Variants in CERK observed in about 807,000 individuals in gnomAD.
CERK encodes the protein ceramide kinase.
A neutral mutation model predicts 63.4 loss-of-function variants in CERK; 39 were observed. The observed-to-expected ratio is 0.61, with a 90% CI of 0.48 to 0.80. CERK has a LOEUF of 0.80. Ranked by LOEUF, CERK falls within the 30% of genes least tolerant of loss-of-function variation. The pLI is 0.00. For synonymous variants in CERK, 302 were observed against 280.0 expected, an observed-to-expected ratio of 1.08 and a Z score of -0.78; for missense variants, 670 against 714.1, an observed-to-expected ratio of 0.94 and a Z score of 0.70.
chr22:46,715,581 G>A (rs962791258), intron 3 of CERK, among the ~76,000 whole-genome samples: 3 of 152,218 alleles, frequency 2.0e-5, no homozygotes, highest in Non-Finnish European at 4.4e-5. Flanking sequence ...AGCTACTTGG[G>A]AGGCTGAGGC....
chr22:46,709,999 A>C (rs1012420908), intron 5 of CERK, among the ~76,000 whole-genome samples: 1 of 152,254 alleles, frequency 6.6e-6, no homozygotes, highest in Non-Finnish European at 1.5e-5. Context: ...CATAAAAATC[A>C]ATTCCAAGAA....
rs1002919455 is a variant in CERK at position 46,690,967 on chromosome 22, GTATA to G, written c.1332+601_1332+604del. 1.4e-4 allele frequency among the ~76,000 whole-genome samples: 22 copies of G among 151,922 alleles called. No individual in the cohort carries two copies. In the Middle Eastern group the frequency reaches 0.014, roughly 94 times the overall value. On this transcript the variant is annotated intron_variant, in intron 11 of 12. Coordinates refer to ENST00000216264, the MANE Select transcript of CERK (RefSeq NM_022766.6). Reference sequence around the variant, plus strand: ...TGTATATGTATGTATGTATGTGTGTGTATATGTATGTATGTGTGTATATGTATGT... The same window carrying G: ...TGTATATGTATGTATGTATGTGTGTGTGTATGTATGTGTGTATATGTATGT...
intron 7 of CERK, among the ~76,000 whole-genome samples, 189 bp downstream of exon 7, chr22:46,701,447 A>G (rs948069436): frequency 2.6e-4 from 40 of 152,222 alleles, no homozygotes; most frequent in African/African-American, 8.0e-4. Context: ...GCCCGTCCTG[A>G]CAACGTGGCC....
At chr22:46,687,543 T>C (rs948925068) in intron 12 of CERK, among the ~76,000 whole-genome samples, 2 of 152,172 alleles carry the variant, frequency 1.3e-5, no homozygotes, top group African/African-American at 4.8e-5. Context: ...AGCACCCCCA[T>C]GGAAAGCAGA....
intron 5 of CERK, 94 bp downstream of exon 5, chr22:46,710,992 G>T: frequency 1.0e-6 from 1 of 956,360 alleles, no homozygotes; most frequent in African/African-American, 1.6e-5. Context: ...GAGGCGGGGG[G>T]CGGATTTAGG....
chr22:46,702,959 C>A (rs567795659), intron 6 of CERK, among the ~76,000 whole-genome samples: 1 of 152,160 alleles, frequency 6.6e-6, no homozygotes, highest in South Asian at 2.1e-4. Flanking sequence ...ACCCGAGTAA[C>A]GACCAACCAC....
In CERK at chr22:46,714,876, G is replaced by A. The variant is rs1338208866; in HGVS notation, c.380-2583C>T. Among the ~76,000 whole-genome samples, 2 of 151,650 alleles carry A rather than the reference G, an allele frequency of 1.3e-5. No homozygotes were observed. The highest frequency in any genetic ancestry group is 2.9e-5 in the Non-Finnish European group (2 of 67,960). ...GTGCAAAAATCCTAAACACAATATC[G>A]GTAAGTCAAATCCAGTGACACATAA... On this transcript the variant is annotated intron_variant, in intron 3 of 12. Transcript: ENST00000216264. The surrounding 1 kb of genome is among the most constrained non-coding windows in gnomAD (Gnocchi z 4.4).
At position 46,696,766 on chromosome 22, in the gene CERK, C is replaced by T. The variant is rs183798992; in HGVS notation, c.944-1451G>A. Among the ~76,000 whole-genome samples the T allele has an allele frequency of 2.7e-3, 412 of 152,332 alleles. 2 individuals are homozygous for T. Among genetic ancestry groups the T allele is most frequent in the African/African-American group, 9.4e-3 (392 of 41,584 alleles). On this transcript the variant is annotated intron_variant, in intron 8 of 12. Transcript: ENST00000216264. Reference sequence around the variant, plus strand: ...GGATCCAGAGACCCGGAAGGCGTCTCCTGCCTCGGGGCTCTCATCCTGGTG... The same window carrying T: ...GGATCCAGAGACCCGGAAGGCGTCTTCTGCCTCGGGGCTCTCATCCTGGTG...
Position 46,689,190 on chromosome 22 carries a change from GTCCCTCTGGGGC to G in CERK, c.1541+790_1541+801del, listed in dbSNP as rs1201763832. 3.2e-4 allele frequency among the ~76,000 whole-genome samples: 48 copies of G among 152,304 alleles called. 2 individuals carry two copies. The South Asian group carries it at 7.9e-3, about 25-fold the overall frequency. On this transcript the variant is annotated intron_variant, in intron 12 of 12. Coordinates refer to ENST00000216264, the MANE Select transcript of CERK (RefSeq NM_022766.6). ...GGCTGCGTGGCCTCCAGCACGGGGC[GTCCCTCTGGGGC>G]TCCTCCTCTCCTTCCCATCCTCGGG...
rs546168675 is a variant in CERK at position 46,732,851 on chromosome 22, A to T, written c.142+5156T>A. Among the ~76,000 whole-genome samples, 281 of 152,140 alleles carry T rather than the reference A, an allele frequency of 1.8e-3. 2 individuals carry two copies. Among genetic ancestry groups the T allele is most frequent in the African/African-American group, 6.5e-3 (270 of 41,502 alleles). ...GAATCGCCTACTTATATCCATTGCC[A>T]TTTGTCTAATGGATTGTCTGCCTTT... On this transcript the variant is annotated intron_variant, in intron 1 of 12. Transcript: ENST00000216264.
At chr22:46,691,835 G>A in intron 10 of CERK, 58 bp from the exon 11 acceptor site, 1 of 1,468,074 alleles carries the variant, frequency 6.8e-7, no homozygotes, top group East Asian at 2.3e-5. Flanking sequence ...GCAGCGCCCT[G>A]CACCAGGACG....
In CERK at chr22:46,699,359, G is replaced by A; in HGVS notation, c.897C>T (p.Asp299=). 1 of 1,614,198 alleles carries A rather than the reference G, an allele frequency of 6.2e-7. No homozygotes were observed. The highest frequency in any genetic ancestry group is 8.5e-7 in the Non-Finnish European group (1 of 1,180,022). ...GACCCAACCACCGTTTCTTCTCACT[G>A]TCCTTGATGATGTCCCCGTAGAAGC... The part of the protein sequence containing the change: ...GYGFYGDIIK[D]SEKKRWLGLA... The change falls in exon 8 of 13, where the codon GAC becomes GAT. Residue 299 remains aspartate (D), a synonymous_variant. Transcript: ENST00000216264.
intron 8 of CERK, among the ~76,000 whole-genome samples, chr22:46,697,154 T>C (rs1311507887): frequency 3.3e-5 from 5 of 152,244 alleles, no homozygotes; most frequent in African/African-American, 1.2e-4. Context: ...TCACTATTTC[T>C]TTCTCTCATA....
chr22:46,701,781 A>G, intron 6 of CERK, 71 bp from the exon 7 acceptor site: 1 of 1,110,060 alleles, frequency 9.0e-7, no homozygotes, highest in Non-Finnish European at 1.3e-6. Context: ...CAATTCAGTG[A>G]GTGGTACCTC....
rs751772008 is a variant in CERK, at chr22:46,690,106, C to T, written c.1427G>A (p.Gly476Glu). The change falls in exon 12 of 13, where the codon GGG becomes GAG. Residue 476 changes from glycine (G) to glutamate (E), a missense_variant. Gly to Glu is a moderately conservative substitution (Grantham distance 98). Transcript: ENST00000216264. ...EDEDSDLKEG[G>E]KKRFGHICSS... Reference sequence around the variant, plus strand: ...GCAAATGTGCCCAAAGCGCTTCTTCCCCCCCTCCTTGAGGTCGCTGTCCTC... The same window carrying T: ...GCAAATGTGCCCAAAGCGCTTCTTCTCCCCCTCCTTGAGGTCGCTGTCCTC... The T allele has an allele frequency of 4.3e-6, 7 of 1,614,068 alleles. No homozygotes were observed. Among genetic ancestry groups the T allele is most frequent in the Admixed American group, 1.7e-5 (1 of 60,004 alleles).
chr22:46,712,145 A>G lies in CERK; in HGVS notation c.505+23T>C. 4 of 1,613,294 alleles carry G rather than the reference A, an allele frequency of 2.5e-6. No individual in the cohort carries two copies. In the South Asian group the frequency reaches 4.4e-5, roughly 18 times the overall value. ...GAATCATTCTCAAACTTACTTCTAC[A>G]TAGTTAACATAGAATTTGTTACCGA... is the stretch of plus-strand genomic sequence containing the variant. On this transcript the variant is annotated intron_variant, in intron 4 of 12. Transcript: ENST00000216264.
At position 46,693,825 on chromosome 22, in the gene CERK, G is replaced by A. The variant is rs184227280; in HGVS notation, c.1050-322C>T. 6.8e-3 allele frequency: 2,462 copies of A among 364,556 alleles called. 20 individuals carry two copies. Among genetic ancestry groups the A allele is most frequent in the South Asian group, 0.011 (453 of 42,460 alleles). The allele number at this position is 364,556 out of a possible 1,614,324, so 22.6% of individuals were successfully genotyped here. The stretch of plus-strand genomic sequence containing the variant: ...GGCTGGGAGAAATGACTGAGGCACT[G>A]GTTCCCCCAGCGGACTCCTGGGGTG... On this transcript the variant is annotated intron_variant, in intron 9 of 12. Transcript: ENST00000216264.
intron 4 of CERK, 107 bp from the exon 5 acceptor site, chr22:46,711,256 CG>C: frequency 1.2e-6 from 1 of 810,210 alleles, no homozygotes; most frequent in Non-Finnish European, 2.1e-6. Context: ...CACCTTCAGG[CG>C]GATTTCCTAG....
intron 10 of CERK, 127 bp downstream of exon 10, chr22:46,693,300 C>CGG: frequency 1.3e-6 from 1 of 744,666 alleles, no homozygotes; most frequent in Non-Finnish European, 2.4e-6. Context: ...AAATGGATGC[C>CGG]TGGTGCCAGA....
Sources: allele counts gnomAD v4.1 joint callset (sites outside exome capture counted in the v4.1 genomes callset), GRCh38; gene constraint gnomAD v4.1.1; non-coding constraint Gnocchi (gnomAD v3.1); transcripts MANE v1.5; gene names NCBI Gene and HGNC (gene_info 2026-07-23, HGNC 2026-07-21).